CDH23: variants seen among roughly 807,000 people sequenced by gnomAD.
The protein encoded by CDH23 is cadherin-23.
CDH23 carries 189 observed loss-of-function variants against 317.1 expected under a neutral mutation model. That is an observed-to-expected ratio of 0.60 (90% CI 0.53 to 0.67). CDH23 has a LOEUF of 0.67. CDH23 is among the 30% of genes least tolerant of loss of function. The probability of loss-of-function intolerance (pLI) is 0.00; values close to 1 mark genes in which losing one functional copy is unlikely to be tolerated. For synonymous variants in CDH23, 1,839 were observed against 1,876.8 expected, an observed-to-expected ratio of 0.98 and a Z score of 0.52; for missense variants, 4,401 against 4,592.4, an observed-to-expected ratio of 0.96 and a Z score of 1.20.
chr10:71,676,688 G>C (rs1402777468), intron 15 of CDH23, among the ~76,000 whole-genome samples: 1 of 152,200 alleles, frequency 6.6e-6, no homozygotes, highest in Non-Finnish European at 1.5e-5. Flanking sequence ...CTCAGTGATG[G>C]GGGTCTGAAA....
In CDH23 at chr10:71,815,585, C is replaced by G. The variant is rs1034145361; in HGVS notation, c.*307C>G. 8 of 264,012 alleles carry G rather than the reference C, an allele frequency of 3.0e-5. No individual in the cohort carries two copies. The East Asian group carries it at 5.4e-4, about 18-fold the overall frequency. The allele number at this position is 264,012 out of a possible 1,614,324, so 16.4% of individuals were successfully genotyped here. On this transcript the variant is annotated 3_prime_UTR_variant, in exon 70 of 70. Coordinates refer to ENST00000224721, the MANE Select transcript of CDH23 (RefSeq NM_022124.6). ...CAAGAGTCTGGGGACCAGCTTGGCT[C>G]AGGCTGAGCTGAAAGAGGCCAAACA...
chr10:71,459,332 A>G (rs1850863229), intron 3 of CDH23, among the ~76,000 whole-genome samples: 1 of 152,084 alleles, frequency 6.6e-6, no homozygotes, highest in Admixed American at 6.5e-5. Flanking sequence ...GAGCGCAAGC[A>G]GTCCTCCCAC....
At chr10:71,480,668 A>C (rs1000346605) in intron 3 of CDH23, among the ~76,000 whole-genome samples, 1 of 152,210 alleles carries the variant, frequency 6.6e-6, no homozygotes, top group African/African-American at 2.4e-5. Context: ...CCTGTGAGCC[A>C]GGAGCCACTG....
intron 11 of CDH23, among the ~76,000 whole-genome samples, chr10:71,619,390 G>A (rs1861356491): frequency 6.6e-6 from 1 of 151,990 alleles, no homozygotes; most frequent in Non-Finnish European, 1.5e-5. Flanking sequence ...GAAAAAACAG[G>A]TATAAAAACA....
chr10:71,553,531 A>C (rs549522084), intron 6 of CDH23, among the ~76,000 whole-genome samples: 31 of 152,188 alleles, frequency 2.0e-4, no homozygotes, highest in East Asian at 1.2e-3. Context: ...TGCCCCCTTC[A>C]CCCACTCCTT....
At chr10:71,699,918 T>C (rs1321480181) in intron 22 of CDH23, among the ~76,000 whole-genome samples, 1 of 152,122 alleles carries the variant, frequency 6.6e-6, no homozygotes, top group Admixed American at 6.5e-5. Flanking sequence ...TGGAAGCAGC[T>C]ACCCTGGCAC....
intron 3 of CDH23, among the ~76,000 whole-genome samples, chr10:71,452,264 T>C (rs1036982693): frequency 3.9e-5 from 6 of 152,204 alleles, no homozygotes; most frequent in Middle Eastern, 3.4e-3. Flanking sequence ...CTGGAGGGCA[T>C]TGAGGCCCTG....
At chr10:71,523,166 T>G (rs1463516210) in intron 6 of CDH23, among the ~76,000 whole-genome samples, 1 of 152,136 alleles carries the variant, frequency 6.6e-6, no homozygotes, top group African/African-American at 2.4e-5. Context: ...TGACCTTTAT[T>G]GTGTTCTAGC....
chr10:71,799,064 A>G (rs1316480805), intron 50 of CDH23, 47 bp from the exon 51 acceptor site: 1 of 1,564,376 alleles, frequency 6.4e-7, no homozygotes, highest in Admixed American at 1.7e-5. Context: ...GAGAGCTGCC[A>G]TGAATGAGGA....
intron 30 of CDH23, among the ~76,000 whole-genome samples, chr10:71,729,840 ATT>A (rs111460455): frequency 6.8e-6 from 1 of 147,066 alleles, no homozygotes; most frequent in African/African-American, 2.5e-5. Flanking sequence ...ATTATTATTA[ATT>A]TTTTTTTTTT....
At chr10:71,521,884 C>T (rs1219959422) in intron 6 of CDH23, among the ~76,000 whole-genome samples, 1 of 152,180 alleles carries the variant, frequency 6.6e-6, no homozygotes, top group Non-Finnish European at 1.5e-5. Context: ...CCTTTCCTTC[C>T]TGGGGTGGCC....
chr10:71,476,958 C>T (rs904048233), intron 3 of CDH23, among the ~76,000 whole-genome samples: 1 of 152,086 alleles, frequency 6.6e-6, no homozygotes, highest in African/African-American at 2.4e-5. Flanking sequence ...GAATGAGATC[C>T]CAGAGGGAGC....
At chr10:71,631,182 G>A (rs908085861) in intron 11 of CDH23, among the ~76,000 whole-genome samples, 1 of 152,216 alleles carries the variant, frequency 6.6e-6, no homozygotes, top group Non-Finnish European at 1.5e-5. Flanking sequence ...GATTTAGGCT[G>A]CAGTGAACTG....
chr10:71,656,624 A>T (rs1422329051), intron 14 of CDH23, among the ~76,000 whole-genome samples: 1 of 152,102 alleles, frequency 6.6e-6, no homozygotes, highest in African/African-American at 2.4e-5. Flanking sequence ...TGGGGTTGCT[A>T]CTGCATCGTT....
chr10:71,639,118 G>T (rs1450244340), intron 11 of CDH23, among the ~76,000 whole-genome samples: 1 of 152,268 alleles, frequency 6.6e-6, no homozygotes, highest in African/African-American at 2.4e-5. Flanking sequence ...CAGCTCCGCA[G>T]CCTGTAGTGG....
chr10:71,428,554 T>C (rs1227051223), intron 1 of CDH23, among the ~76,000 whole-genome samples: 1 of 151,956 alleles, frequency 6.6e-6, no homozygotes, highest in East Asian at 1.9e-4. Context: ...ATGGTGAGCA[T>C]TGTTTCATGG....
Position 71,666,229 on chromosome 10 carries a change from C to T in CDH23, c.1450-8883C>T, listed in dbSNP as rs368227845. On this transcript the variant is annotated intron_variant, in intron 14 of 69. Coordinates refer to ENST00000224721, the MANE Select transcript of CDH23 (RefSeq NM_022124.6). ...TTCCCAGTAGCACCCTCTTGTTCTA[C>T]GGCCTCCCACATGCTCAGAAGGCCC... Among the ~76,000 whole-genome samples, 127 of 152,134 alleles carry T rather than the reference C, an allele frequency of 8.3e-4. 1 individual carries two copies. In the South Asian group the frequency reaches 0.023, roughly 28 times the overall value.
At chr10:71,677,905 A>G (rs1327651233) in intron 16 of CDH23, among the ~76,000 whole-genome samples, 2 of 152,098 alleles carry the variant, frequency 1.3e-5, no homozygotes, top group African/African-American at 4.8e-5. Flanking sequence ...AGCTGGGACT[A>G]CAGGCTTGAG....
intron 38 of CDH23, chr10:71,755,271 G>C: frequency 8.6e-7 from 1 of 1,157,962 alleles, no homozygotes; most frequent in South Asian, 1.4e-5. Context: ...TGCCTGCATC[G>C]TGCCTTTGCG....
Sources: gnomAD v4.1 joint callset for allele counts (sites outside exome capture counted in the v4.1 genomes callset) on GRCh38, gnomAD v4.1.1 for gene constraint, MANE v1.5 for transcripts, NCBI Gene and HGNC (gene_info 2026-07-23, HGNC 2026-07-21) for gene names.